The following RNF150 variants were observed in gnomAD, a reference collection of about 807,000 sequenced individuals.
The protein encoded by RNF150 is ring finger protein 150.
A neutral mutation model predicts 39.3 loss-of-function variants in RNF150; 24 were observed. That is an observed-to-expected ratio of 0.61 (90% CI 0.44 to 0.86). RNF150 has a LOEUF of 0.86. RNF150 is among the 40% of genes least tolerant of loss of function. RNF150 has a pLI of 0.00. For missense variants in RNF150, 502 were observed against 587.8 expected (o/e 0.85, Z 1.51); for synonymous variants, 255 against 227.3 (o/e 1.12, Z -1.10).
intron 1 of RNF150, among the ~76,000 whole-genome samples, chr4:141,141,604 C>T (rs1435571647): frequency 6.6e-6 from 1 of 152,152 alleles, no homozygotes; most frequent in African/African-American, 2.4e-5. Flanking sequence ...ATTTCAAGAC[C>T]AGCCTGCCAA....
chr4:140,897,366 G>A (rs1326335358), intron 6 of RNF150, among the ~76,000 whole-genome samples: 1 of 152,158 alleles, frequency 6.6e-6, no homozygotes, highest in East Asian at 1.9e-4. Flanking sequence ...GCTTTAGAAC[G>A]AATTGCTCAG....
intron 2 of RNF150, among the ~76,000 whole-genome samples, chr4:140,950,730 C>T (rs766829903): frequency 6.6e-5 from 10 of 152,200 alleles, no homozygotes; most frequent in Non-Finnish European, 1.2e-4. Flanking sequence ...GTATTTACCA[C>T]GTGGCACTTC....
chr4:141,063,742 C>T (rs1304101919), intron 1 of RNF150, among the ~76,000 whole-genome samples: 2 of 152,104 alleles, frequency 1.3e-5, no homozygotes, highest in Non-Finnish European at 2.9e-5. Context: ...GCTAGACTCT[C>T]GGGATACAAA....
At chr4:140,997,670 G>A (rs1734425505) in intron 1 of RNF150, among the ~76,000 whole-genome samples, 3 of 54,246 alleles carry the variant, frequency 5.5e-5, no homozygotes, top group South Asian at 5.2e-4. Context: ...AGCCAAGATT[G>A]CGCCACTGCA....
intron 1 of RNF150, among the ~76,000 whole-genome samples, chr4:141,063,603 C>T (rs3913898): frequency 0.78 from 118,915 of 152,076 alleles, 47,609 homozygotes; most frequent in Non-Finnish European, 0.88. Context: ...TTTCCAGTAG[C>T]CACCTGGGAA....
intron 1 of RNF150, among the ~76,000 whole-genome samples, chr4:141,070,264 A>G (rs1737639575): frequency 6.6e-6 from 1 of 152,226 alleles, no homozygotes; most frequent in Non-Finnish European, 1.5e-5. Context: ...ATTAGACCTA[A>G]AACCATAAAA....
At chr4:140,930,110 G>C (rs1438456928) in intron 4 of RNF150, among the ~76,000 whole-genome samples, 1 of 151,650 alleles carries the variant, frequency 6.6e-6, no homozygotes, top group Non-Finnish European at 1.5e-5. Flanking sequence ...GCAGTGAGCC[G>C]AGATCACACC....
intron 1 of RNF150, among the ~76,000 whole-genome samples, chr4:141,004,637 G>A (rs34157558): frequency 0.14 from 20,631 of 152,152 alleles, 1,652 homozygotes; most frequent in East Asian, 0.33. Context: ...AATGACCCTT[G>A]TGTCATCAAT....
chr4:141,101,095 CTATA>C (rs1283821711), intron 1 of RNF150, among the ~76,000 whole-genome samples: 2 of 152,058 alleles, frequency 1.3e-5, no homozygotes, highest in African/African-American at 4.8e-5. Context: ...TTTATAAACA[CTATA>C]TACTCAGGCT....
At chr4:140,924,392 A>T (rs1383639294) in intron 5 of RNF150, among the ~76,000 whole-genome samples, 2 of 152,224 alleles carry the variant, frequency 1.3e-5, no homozygotes, top group Non-Finnish European at 2.9e-5. Flanking sequence ...CTGGAGTCAA[A>T]TACTCTTTAG....
intron 6 of RNF150, among the ~76,000 whole-genome samples, chr4:140,877,526 C>A (rs1290106591): frequency 1.3e-5 from 2 of 152,006 alleles, no homozygotes; most frequent in African/African-American, 2.4e-5. Context: ...ATCTATAGAC[C>A]CCATTTATTC....
intron 1 of RNF150, among the ~76,000 whole-genome samples, chr4:141,209,598 T>G (rs748851799): frequency 1.3e-5 from 2 of 152,224 alleles, no homozygotes; most frequent in Non-Finnish European, 2.9e-5. Context: ...TTTTCTTGTC[T>G]GTGAATTCCC....
Position 141,186,737 on chromosome 4 carries a change from C to A in RNF150, c.-6+26057G>T, listed in dbSNP as rs769586106. Among the ~76,000 whole-genome samples the A allele has an allele frequency of 6.3e-4, 95 of 151,638 alleles. 1 individual carries two copies. Among genetic ancestry groups the A allele is most frequent in the Admixed American group, 2.6e-4 (4 of 15,220 alleles). On this transcript the variant is annotated intron_variant, in intron 1 of 7. Transcript: ENST00000420921. ...CATTTTTTATTGTGTCTATTTGATT[C>A]TTCTCTCTCTTCTTTTTAGTCTGGC...
chr4:141,074,436 A>G (rs1560723552), intron 1 of RNF150, among the ~76,000 whole-genome samples: 1 of 151,992 alleles, frequency 6.6e-6, no homozygotes, highest in African/African-American at 2.4e-5. Context: ...AAAAATAGAA[A>G]CCACAATAAT....
chr4:141,067,302 C>T (rs535267276), intron 1 of RNF150, among the ~76,000 whole-genome samples: 31 of 152,242 alleles, frequency 2.0e-4, no homozygotes, highest in African/African-American at 6.3e-4. Context: ...TAAGCTATTG[C>T]TAAGTCAAAT....
chr4:140,981,837 G>C (rs941966965), intron 1 of RNF150, among the ~76,000 whole-genome samples: 1 of 152,128 alleles, frequency 6.6e-6, no homozygotes, highest in African/African-American at 2.4e-5. Flanking sequence ...CATTCTGCTC[G>C]AAGTCTTTTT....
intron 1 of RNF150, among the ~76,000 whole-genome samples, chr4:140,968,433 G>T (rs555923301): frequency 6.6e-6 from 1 of 151,940 alleles, no homozygotes; most frequent in African/African-American, 2.4e-5. Context: ...ACATTAAGAA[G>T]CTCTAATATG....
intron 1 of RNF150, among the ~76,000 whole-genome samples, chr4:141,060,568 A>C (rs543758114): frequency 6.6e-6 from 1 of 152,370 alleles, no homozygotes; most frequent in East Asian, 1.9e-4. Flanking sequence ...AATTAAACAT[A>C]GATATCCAGG....
At chr4:141,066,778 T>C (rs1212576529) in intron 1 of RNF150, among the ~76,000 whole-genome samples, 1 of 152,206 alleles carries the variant, frequency 6.6e-6, no homozygotes, top group African/African-American at 2.4e-5. Flanking sequence ...AAATATACCA[T>C]GTATGTTTTT....
Sources: allele counts gnomAD v4.1 joint callset (sites outside exome capture counted in the v4.1 genomes callset), GRCh38; gene constraint gnomAD v4.1.1; transcripts MANE v1.5; gene names NCBI Gene and HGNC (gene_info 2026-07-23, HGNC 2026-07-21).